PDE3A: variants seen among roughly 807,000 people sequenced by gnomAD.
PDE3A encodes cGMP-inhibited 3',5'-cyclic phosphodiesterase 3A.
In PDE3A, 43 loss-of-function variants were observed where a neutral mutation model predicts 98.3. The ratio of observed to expected loss-of-function variants is 0.44; its 90% CI spans 0.34 to 0.56. PDE3A has a LOEUF of 0.56. Ranked by LOEUF, PDE3A falls within the 20% of genes least tolerant of loss-of-function variation. PDE3A has a pLI of 0.01. For synonymous variants in PDE3A, 663 were observed against 567.9 expected (o/e 1.17, Z -2.38); for missense variants, 1,427 against 1,440.7 (o/e 0.99, Z 0.15).
intron 1 of PDE3A, among the ~76,000 whole-genome samples, chr12:20,391,006 A>C (rs1943903690): frequency 6.6e-6 from 1 of 151,944 alleles, no homozygotes; most frequent in African/African-American, 2.4e-5. Flanking sequence ...GAGTCAGTAC[A>C]GACTTCAGCT....
chr12:20,434,736 T>C (rs924353944), intron 1 of PDE3A, among the ~76,000 whole-genome samples: 2 of 152,206 alleles, frequency 1.3e-5, no homozygotes, highest in African/African-American at 4.8e-5. Context: ...CACAATATCA[T>C]GAAGAATAGA....
chr12:20,578,526 G>A (rs890740929), intron 2 of PDE3A, among the ~76,000 whole-genome samples: 6 of 151,542 alleles, frequency 4.0e-5, no homozygotes, highest in Non-Finnish European at 7.4e-5. Context: ...TCACTAATGC[G>A]CAGGTGGAAA....
At chr12:20,427,641 G>T (rs1431322783) in intron 1 of PDE3A, among the ~76,000 whole-genome samples, 1 of 151,840 alleles carries the variant, frequency 6.6e-6, no homozygotes, top group Non-Finnish European at 1.5e-5. Context: ...CAATAAATAG[G>T]CTTCAAAATT....
rs374405303 is a variant in PDE3A, at chr12:20,406,698, G to A, written c.960+36454G>A. Among the ~76,000 whole-genome samples, 7 of 152,092 alleles carry A rather than the reference G, an allele frequency of 4.6e-5. No individual in the cohort carries two copies. The East Asian group carries it at 7.7e-4, about 17-fold the overall frequency. The stretch of plus-strand genomic sequence containing the variant: ...TGATCACTTCCTTTGTTGTGGAGAA[G>A]CCTTTTAGTTTGATGGAGTCCTACT... On this transcript the variant is annotated intron_variant, in intron 1 of 15. Coordinates refer to ENST00000359062, the MANE Select transcript of PDE3A (RefSeq NM_000921.5).
chr12:20,631,441 T>G (rs891309047), intron 6 of PDE3A, among the ~76,000 whole-genome samples: 3 of 152,194 alleles, frequency 2.0e-5, no homozygotes, highest in Non-Finnish European at 4.4e-5. Context: ...AGAACCAATT[T>G]CTTTGGGTTA....
chr12:20,571,327 A>T (rs1942797789), intron 2 of PDE3A, among the ~76,000 whole-genome samples: 1 of 152,132 alleles, frequency 6.6e-6, no homozygotes, highest in African/African-American at 2.4e-5. Flanking sequence ...TTGAGGATTG[A>T]TACAGGTCTC....
At chr12:20,445,523 G>A (rs974511490) in intron 1 of PDE3A, among the ~76,000 whole-genome samples, 1 of 152,160 alleles carries the variant, frequency 6.6e-6, no homozygotes, top group Non-Finnish European at 1.5e-5. Flanking sequence ...CATATGAGGT[G>A]AAGCTGTATT....
intron 1 of PDE3A, among the ~76,000 whole-genome samples, chr12:20,397,018 AT>A (rs35488458): frequency 0.41 from 62,715 of 151,676 alleles, 13,998 homozygotes; most frequent in South Asian, 0.5. Flanking sequence ...TATATAGAAA[AT>A]TTTTTTTAAG....
chr12:20,668,524 C>T (rs912250120), intron 15 of PDE3A, among the ~76,000 whole-genome samples: 2 of 152,232 alleles, frequency 1.3e-5, no homozygotes, highest in Non-Finnish European at 2.9e-5. Context: ...ACTGCCTCCT[C>T]AAGTGGGTCC....
chr12:20,478,034 G>A (rs1000808222), intron 1 of PDE3A, among the ~76,000 whole-genome samples: 1 of 152,186 alleles, frequency 6.6e-6, no homozygotes, highest in Non-Finnish European at 1.5e-5. Flanking sequence ...TAAATAAAAT[G>A]TGTAAGGCTT....
chr12:20,498,466 A>G (rs556576857), intron 1 of PDE3A, among the ~76,000 whole-genome samples: 1 of 152,332 alleles, frequency 6.6e-6, no homozygotes, highest in Admixed American at 6.5e-5. Context: ...CCAACTATTT[A>G]CATAGCATTT....
At chr12:20,524,324 G>A (rs887248150) in intron 1 of PDE3A, among the ~76,000 whole-genome samples, 9 of 152,200 alleles carry the variant, frequency 5.9e-5, no homozygotes, top group South Asian at 2.1e-4. Context: ...CCATTTCCTC[G>A]TTTTTGAATG....
chr12:20,589,404 C>T (rs1249239309), intron 2 of PDE3A, among the ~76,000 whole-genome samples: 3 of 152,042 alleles, frequency 2.0e-5, no homozygotes, highest in Non-Finnish European at 4.4e-5. Context: ...TTAAGGGTGA[C>T]CTAAGCTATG....
At chr12:20,477,685 G>A (rs1359659523) in intron 1 of PDE3A, among the ~76,000 whole-genome samples, 1 of 152,150 alleles carries the variant, frequency 6.6e-6, no homozygotes, top group East Asian at 1.9e-4. Context: ...CTGATTTAAA[G>A]GAATACTATC....
chr12:20,670,551 A>G (rs961163690), intron 15 of PDE3A, among the ~76,000 whole-genome samples: 1 of 152,192 alleles, frequency 6.6e-6, no homozygotes, highest in Admixed American at 6.5e-5. Flanking sequence ...ATCTCACTCA[A>G]AACTGCTCAA....
At chr12:20,611,929 C>A (rs1330749464) in intron 2 of PDE3A, among the ~76,000 whole-genome samples, 4 of 151,388 alleles carry the variant, frequency 2.6e-5, no homozygotes, top group African/African-American at 9.7e-5. Context: ...TTATATGTAT[C>A]TCGGTTGTCG....
At chr12:20,383,778 G>T (rs897135201) in intron 1 of PDE3A, among the ~76,000 whole-genome samples, 1 of 151,988 alleles carries the variant, frequency 6.6e-6, no homozygotes, top group African/African-American at 2.4e-5. Flanking sequence ...GGAGGGGACA[G>T]CAGATCACAT....
intron 10 of PDE3A, among the ~76,000 whole-genome samples, chr12:20,645,651 A>G (rs927351038): frequency 3.3e-5 from 5 of 152,126 alleles, no homozygotes; most frequent in African/African-American, 1.2e-4. Flanking sequence ...TTGCACAGAA[A>G]AGGAAGGTGA....
intron 10 of PDE3A, among the ~76,000 whole-genome samples, chr12:20,645,189 A>G (rs1944748307): frequency 6.6e-6 from 1 of 152,112 alleles, no homozygotes; most frequent in African/African-American, 2.4e-5. Context: ...GCACCTGGCC[A>G]GAGTTGAGTT....
Sources: allele counts gnomAD v4.1 joint callset (sites outside exome capture counted in the v4.1 genomes callset), GRCh38; gene constraint gnomAD v4.1.1; transcripts MANE v1.5; gene names NCBI Gene and HGNC (gene_info 2026-07-23, HGNC 2026-07-21).